SRGAP2C: variants seen among roughly 807,000 people sequenced by gnomAD.
SRGAP2C encodes the protein SLIT-ROBO Rho GTPase activating protein 2C, also known as SLIT-ROBO Rho GTPase-activating protein 2C.
A neutral mutation model predicts 25.1 loss-of-function variants in SRGAP2C; 15 were observed. The ratio of observed to expected loss-of-function variants is 0.60; its 90% CI spans 0.40 to 0.92. The LOEUF (loss-of-function observed/expected upper bound fraction) is 0.92. Among genes scored for constraint, SRGAP2C ranks in the 40% least tolerant of loss-of-function variants. The pLI is 0.00. For synonymous variants in SRGAP2C, 44 were observed against 96.6 expected (o/e 0.46, Z 3.19); for missense variants, 144 against 264.4 (o/e 0.54, Z 3.16).
intron 2 of SRGAP2C, among the ~76,000 whole-genome samples, chr1:121,192,407 G>A (rs1197456374): frequency 3.3e-5 from 5 of 151,950 alleles, no homozygotes; most frequent in African/African-American, 4.8e-5. Context: ...CTACTCTGCA[G>A]CAGTAAGGTG....
chr1:121,192,324 T>A (rs1255031405), intron 2 of SRGAP2C, among the ~76,000 whole-genome samples: 20 of 152,152 alleles, frequency 1.3e-4, no homozygotes, highest in South Asian at 4.1e-4. Context: ...CTCAAGCAGA[T>A]GCTATCATTT....
chr1:121,286,004 CA>C (rs1357501054), intron 3 of SRGAP2C, among the ~76,000 whole-genome samples: 1 of 152,034 alleles, frequency 6.6e-6, no homozygotes, highest in Admixed American at 6.5e-5. Context: ...AAAAAAATTG[CA>C]AAAAAAGTCA....
intron 4 of SRGAP2C, among the ~76,000 whole-genome samples, chr1:121,355,266 A>G (rs1343708316): frequency 2.1e-5 from 3 of 142,386 alleles, no homozygotes; most frequent in Non-Finnish European, 4.6e-5. Flanking sequence ...AATGACATAT[A>G]TGGATACTGC....
intron 2 of SRGAP2C, among the ~76,000 whole-genome samples, chr1:121,228,735 T>A: frequency 6.6e-6 from 1 of 151,858 alleles, no homozygotes; most frequent in South Asian, 2.1e-4. Flanking sequence ...CATTACTAAA[T>A]GTTTATTAAA....
chr1:121,369,505 A>G (rs1239246004), intron 5 of SRGAP2C, among the ~76,000 whole-genome samples: 2 of 152,050 alleles, frequency 1.3e-5, no homozygotes, highest in Admixed American at 6.6e-5. Flanking sequence ...ACTCCCCCTA[A>G]GTTTACATCC....
At chr1:121,202,375 G>A in intron 2 of SRGAP2C, among the ~76,000 whole-genome samples, 2 of 151,166 alleles carry the variant, frequency 1.3e-5, no homozygotes, top group South Asian at 4.2e-4. Flanking sequence ...TGAACAAGAA[G>A]ATCATGAGCT....
At chr1:121,310,982 G>A (rs1183759611) in intron 3 of SRGAP2C, among the ~76,000 whole-genome samples, 1 of 18,276 alleles carries the variant, frequency 5.5e-5, no homozygotes, top group Non-Finnish European at 1.0e-4. Context: ...AGCTTGATGG[G>A]GATGGCATTG....
intron 2 of SRGAP2C, among the ~76,000 whole-genome samples, chr1:121,217,275 G>A (rs1484786428): frequency 8.1e-5 from 12 of 148,540 alleles, no homozygotes; most frequent in East Asian, 2.0e-4. Context: ...TCACACATTT[G>A]GGTACCATTC....
chr1:121,243,743 G>A (rs1365492290), intron 2 of SRGAP2C, among the ~76,000 whole-genome samples: 1 of 134,954 alleles, frequency 7.4e-6, no homozygotes, highest in Non-Finnish European at 1.6e-5. Context: ...ATTTAAATCT[G>A]TAAAGTAAAG....
At chr1:121,259,590 C>A (rs1159041421) in intron 2 of SRGAP2C, among the ~76,000 whole-genome samples, 13 of 151,310 alleles carry the variant, frequency 8.6e-5, no homozygotes, top group Non-Finnish European at 1.8e-4. Flanking sequence ...TTTATTCATT[C>A]ACTCATCTGT....
rs1240522059 is a variant in SRGAP2C, at chr1:121,340,726, T to C, written c.423+16086T>C. Among the ~76,000 whole-genome samples, 923 of 151,770 alleles carry C rather than the reference T, an allele frequency of 6.1e-3. 11 individuals are homozygous for C. The highest frequency in any genetic ancestry group is 0.021 in the African/African-American group (863 of 41,308). On this transcript the variant is annotated intron_variant, in intron 4 of 9. Transcript: ENST00000367123. ...AAGAATTGGGCCGATGTTCTTTTAATTACCTGCTGCCAGGATTCTCAATTA... is the reference window on the plus strand; with the variant it reads ...AAGAATTGGGCCGATGTTCTTTTAACTACCTGCTGCCAGGATTCTCAATTA...
chr1:121,335,298 G>C (rs1160858571), intron 4 of SRGAP2C, among the ~76,000 whole-genome samples: 2 of 144,742 alleles, frequency 1.4e-5, no homozygotes, highest in African/African-American at 5.2e-5. Context: ...CTGAGATTGT[G>C]CCACTGCACT....
chr1:121,273,965 G>T (rs1485022811), intron 2 of SRGAP2C, among the ~76,000 whole-genome samples: 2 of 151,396 alleles, frequency 1.3e-5, no homozygotes, highest in African/African-American at 4.8e-5. Flanking sequence ...AACAGGAACT[G>T]GGCAGACTGT....
At chr1:121,338,951 G>C (rs1553342777) in intron 4 of SRGAP2C, among the ~76,000 whole-genome samples, 1 of 149,530 alleles carries the variant, frequency 6.7e-6, no homozygotes, top group South Asian at 2.1e-4. Context: ...AAGTAGTAAC[G>C]TGTTTTTTTC....
At chr1:121,299,369 TG>T (rs1657655536) in intron 3 of SRGAP2C, among the ~76,000 whole-genome samples, 1 of 144,986 alleles carries the variant, frequency 6.9e-6, no homozygotes, top group East Asian at 2.1e-4. Flanking sequence ...TTAGAGAGAA[TG>T]AAAAAAAAAG....
At chr1:121,355,251 A>G (rs1280244643) in intron 4 of SRGAP2C, among the ~76,000 whole-genome samples, 1 of 146,126 alleles carries the variant, frequency 6.8e-6, no homozygotes, top group Non-Finnish European at 1.5e-5. Context: ...AACAAACTTG[A>G]CCTAAATGAC....
At chr1:121,282,871 G>A (rs1301013513) in intron 2 of SRGAP2C, among the ~76,000 whole-genome samples, 1 of 150,810 alleles carries the variant, frequency 6.6e-6, no homozygotes, top group Non-Finnish European at 1.5e-5. Context: ...GGTTCTTACT[G>A]AACGGATGGA....
intron 4 of SRGAP2C, among the ~76,000 whole-genome samples, chr1:121,359,761 C>G (rs1360540782): frequency 1.3e-5 from 2 of 151,914 alleles, no homozygotes; most frequent in Admixed American, 1.3e-4. Flanking sequence ...GGCAATAGAG[C>G]AAGACCTTGT....
intron 2 of SRGAP2C, among the ~76,000 whole-genome samples, chr1:121,212,585 T>G (rs1188997619): frequency 6.6e-6 from 1 of 151,692 alleles, no homozygotes; most frequent in East Asian, 1.9e-4. Context: ...GGCTTGGAGA[T>G]AAGACCCACT....
Sources: allele counts gnomAD v4.1 joint callset (sites outside exome capture counted in the v4.1 genomes callset), GRCh38; gene constraint gnomAD v4.1.1; transcripts MANE v1.5; gene names NCBI Gene and HGNC (gene_info 2026-07-23, HGNC 2026-07-21).